RABGAP1L: variants seen among roughly 807,000 people sequenced by gnomAD.
RABGAP1L encodes the protein rab GTPase-activating protein 1-like.
RABGAP1L carries 63 observed loss-of-function variants against 137.7 expected under a neutral mutation model. The ratio of observed to expected loss-of-function variants is 0.46; its 90% confidence interval spans 0.37 to 0.56. The LOEUF is 0.56. Among genes scored for constraint, RABGAP1L ranks in the 20% least tolerant of loss-of-function variants. The pLI is 0.00. For synonymous variants in RABGAP1L, 431 were observed against 433.7 expected, an observed-to-expected ratio of 0.99 and a Z score of 0.08; for missense variants, 1,095 against 1,244.0, an observed-to-expected ratio of 0.88 and a Z score of 1.80.
Position 174,990,090 on chromosome 1 carries a change from A to G in RABGAP1L, c.*89A>G. The G allele has an allele frequency of 7.2e-7, 1 of 1,395,724 alleles. No individual in the cohort carries two copies. The highest frequency in any genetic ancestry group is 9.6e-7 in the Non-Finnish European group (1 of 1,037,836). The allele number at this position is 1,395,724 out of a possible 1,614,324, so 86.5% of individuals were successfully genotyped here. A position where few individuals can be genotyped will look rare whatever the true frequency, so the allele number is the denominator to read the frequency against. On this transcript the variant is annotated 3_prime_UTR_variant, in exon 26 of 26. Transcript: ENST00000681986. ...CCTGGTGTCCCTTTGAAGGAAAGTC[A>G]AGGAGGCCAGAAAACAAGCCAGAAT...
In RABGAP1L at chr1:174,300,548, AGTG is replaced by A. The variant is rs1324621345; in HGVS notation, c.1324-4437_1324-4435del. On this transcript the variant is annotated intron_variant, in intron 10 of 25. Coordinates refer to ENST00000681986, the MANE Select transcript of RABGAP1L (RefSeq NM_001366446.1). ...CCATCTCAAAAAAAAAAAAAAAAAA[AGTG>A]AGGTGCCAGGGAACACGGTTTTGAA... 6.6e-5 allele frequency among the ~76,000 whole-genome samples: 10 copies of A among 150,428 alleles called. No homozygotes were observed. In the East Asian group the frequency reaches 1.6e-3, roughly 23 times the overall value.
intron 13 of RABGAP1L, among the ~76,000 whole-genome samples, chr1:174,509,033 A>G (rs1424996886): frequency 6.6e-6 from 1 of 152,324 alleles, no homozygotes; most frequent in East Asian, 1.9e-4. Flanking sequence ...TAGGAATGAG[A>G]AGAGTCTATT....
chr1:174,727,527 A>G (rs774235849), intron 17 of RABGAP1L, among the ~76,000 whole-genome samples: 7 of 152,344 alleles, frequency 4.6e-5, no homozygotes, highest in South Asian at 4.1e-4. Context: ...AACAACTAGT[A>G]AAGATGGAGA....
chr1:174,912,517 C>G (rs1660210816), intron 19 of RABGAP1L, among the ~76,000 whole-genome samples: 1 of 152,116 alleles, frequency 6.6e-6, no homozygotes, highest in Admixed American at 6.5e-5. Context: ...ACTTAAAAAG[C>G]AAAGTATAAC....
intron 12 of RABGAP1L, among the ~76,000 whole-genome samples, chr1:174,376,250 G>A (rs904170031): frequency 1.4e-5 from 2 of 146,512 alleles, no homozygotes; most frequent in Non-Finnish European, 3.0e-5. Flanking sequence ...AAGGAAGGAA[G>A]GGAAAGAAGG....
chr1:174,251,239 A>G (rs1461191868), intron 6 of RABGAP1L, among the ~76,000 whole-genome samples: 1 of 152,056 alleles, frequency 6.6e-6, no homozygotes, highest in African/African-American at 2.4e-5. Flanking sequence ...GTTTATTTCT[A>G]GGGGAATTTT....
chr1:174,298,578 G>A (rs1036917718), intron 10 of RABGAP1L, among the ~76,000 whole-genome samples: 4 of 152,164 alleles, frequency 2.6e-5, no homozygotes, highest in African/African-American at 9.7e-5. Flanking sequence ...TTGGAATTGA[G>A]TCTGGGGCAG....
intron 11 of RABGAP1L, among the ~76,000 whole-genome samples, chr1:174,320,516 TGAATTGTTGCGGGAAGTCAGG>T (rs1264885366): frequency 3.9e-5 from 6 of 152,152 alleles, no homozygotes; most frequent in Non-Finnish European, 8.8e-5. Flanking sequence ...CTGGCTATCG[TGAATTGTTGCGGGAAGTCAGG>T]GACCCTGAAT....
chr1:174,377,543 G>A (rs991985976), intron 12 of RABGAP1L, among the ~76,000 whole-genome samples: 17 of 152,184 alleles, frequency 1.1e-4, no homozygotes, highest in South Asian at 4.2e-4. Context: ...ATAGAGCCAC[G>A]CAATCTAAAC....
In RABGAP1L at chr1:174,479,393, T is replaced by A. The variant is rs73040885; in HGVS notation, c.1710+85248T>A. On this transcript the variant is annotated intron_variant, in intron 13 of 25. Coordinates refer to ENST00000681986, the MANE Select transcript of RABGAP1L (RefSeq NM_001366446.1). ...TGGCTCTAAATTTACACGCTTGGGC[T>A]CCACTCATCAGAGTCTATTTTGGTG... Among the ~76,000 whole-genome samples, 805 of 152,354 alleles carry A rather than the reference T, an allele frequency of 5.3e-3. 9 individuals are homozygous for A. Among genetic ancestry groups the A allele is most frequent in the African/African-American group, 0.018 (760 of 41,592 alleles).
chr1:174,466,018 G>T (rs150386868), intron 13 of RABGAP1L, among the ~76,000 whole-genome samples: 1 of 152,310 alleles, frequency 6.6e-6, no homozygotes, highest in Non-Finnish European at 1.5e-5. Context: ...TTCTTACAGT[G>T]GGATGAGTAG....
intron 11 of RABGAP1L, among the ~76,000 whole-genome samples, chr1:174,366,032 A>G (rs1027064020): frequency 2.6e-5 from 4 of 152,128 alleles, no homozygotes; most frequent in African/African-American, 9.7e-5. Context: ...TTTGGTGACA[A>G]ATACCAGTAT....
chr1:174,514,882 T>TA (rs1469105928), intron 13 of RABGAP1L, among the ~76,000 whole-genome samples: 2 of 152,226 alleles, frequency 1.3e-5, no homozygotes, highest in African/African-American at 4.8e-5. Flanking sequence ...GCTTAAAAAT[T>TA]ATTGAGGGCC....
At chr1:174,682,119 A>G (rs1678106662) in intron 14 of RABGAP1L, among the ~76,000 whole-genome samples, 1 of 152,032 alleles carries the variant, frequency 6.6e-6, no homozygotes, top group Non-Finnish European at 1.5e-5. Flanking sequence ...TGTCTCTACT[A>G]AAACTATGAA....
intron 11 of RABGAP1L, among the ~76,000 whole-genome samples, chr1:174,308,190 A>G (rs1572012827): frequency 6.6e-6 from 1 of 151,932 alleles, no homozygotes; most frequent in East Asian, 1.9e-4. Flanking sequence ...CAAAATTCAC[A>G]TATATATGTG....
At chr1:174,895,115 C>G (rs538609925) in intron 19 of RABGAP1L, among the ~76,000 whole-genome samples, 8 of 152,266 alleles carry the variant, frequency 5.3e-5, no homozygotes, top group African/African-American at 1.9e-4. Context: ...GAACCCTTAT[C>G]AGGTCAAAAC....
chr1:174,911,071 G>A (rs1659974819), intron 19 of RABGAP1L, among the ~76,000 whole-genome samples: 1 of 151,956 alleles, frequency 6.6e-6, no homozygotes, highest in South Asian at 2.1e-4. Flanking sequence ...CTTTTCTCGT[G>A]CTTATTAGCC....
chr1:174,976,461 T>C (rs1027703629), intron 22 of RABGAP1L, among the ~76,000 whole-genome samples: 1 of 152,182 alleles, frequency 6.6e-6, no homozygotes, highest in African/African-American at 2.4e-5. Context: ...TTTCTCTAAG[T>C]TTAGTAACTT....
At chr1:174,636,536 A>C (rs1412842385) in intron 13 of RABGAP1L, among the ~76,000 whole-genome samples, 1 of 152,092 alleles carries the variant, frequency 6.6e-6, no homozygotes, top group Non-Finnish European at 1.5e-5. Flanking sequence ...TCAAAAAAAA[A>C]AAAAAAAGAG....
Sources: gnomAD v4.1 joint callset for allele counts (sites outside exome capture counted in the v4.1 genomes callset) on GRCh38, gnomAD v4.1.1 for gene constraint, MANE v1.5 for transcripts, NCBI Gene and HGNC (gene_info 2026-07-23, HGNC 2026-07-21) for gene names.